Variants in LRP2BP observed in about 807,000 individuals in gnomAD.
The protein encoded by LRP2BP is LRP2 binding protein, also known as LRP2-binding protein.
In LRP2BP, 38 loss-of-function variants were observed where a neutral mutation model predicts 45.2. That is an observed-to-expected ratio of 0.84 (90% CI 0.65 to 1.10). LRP2BP has a LOEUF of 1.10. Among genes scored for constraint, LRP2BP ranks in the 50% least tolerant of loss-of-function variants. LRP2BP has a pLI of 0.00. For synonymous variants in LRP2BP, 153 were observed against 153.9 expected (o/e 0.99, Z 0.04); for missense variants, 385 against 418.9 (o/e 0.92, Z 0.71).
At chr4:185,370,530 CT>C in intron 8 of LRP2BP, 109 bp downstream of exon 8, 1 of 1,104,732 alleles carries the variant, frequency 9.1e-7, no homozygotes, top group Non-Finnish European at 1.3e-6. Context: ...CAGAGGTTAT[CT>C]GCACAGTAAT....
At chr4:185,373,180 A>G in intron 6 of LRP2BP, 101 bp from the exon 7 acceptor site, 2 of 1,061,802 alleles carry the variant, frequency 1.9e-6, no homozygotes. Flanking sequence ...AGATAGCACT[A>G]TTAATCATCT....
intron 1 of LRP2BP, chr4:185,390,569 T>C (rs966298121): frequency 3.3e-5 from 5 of 151,644 alleles, no homozygotes; most frequent in Non-Finnish European, 5.9e-5. Flanking sequence ...TTACATTTTA[T>C]AATAATCCTT....
chr4:185,391,240 C>T (rs929505938), intron 1 of LRP2BP, among the ~76,000 whole-genome samples: 3 of 152,220 alleles, frequency 2.0e-5, no homozygotes, highest in African/African-American at 7.2e-5. Context: ...CTTCTCATCA[C>T]ATCGTGTCAA....
At position 185,375,702 on chromosome 4, in the gene LRP2BP, G is replaced by A; in HGVS notation, c.241C>T (p.Gln81Ter). 6.2e-7 allele frequency: 1 copy of A among 1,609,574 alleles called. No homozygotes were observed. The highest frequency in any genetic ancestry group is 8.5e-7 in the Non-Finnish European group (1 of 1,177,614). ...EEGWYEEALE[Q>*]FEEIKEKDHQ... is the part of the protein sequence containing the mutation. ...TCTTTCTCCTTGATTTCTTCAAACT[G>A]TTCTAATGCTTCTTCATACCATCCC... The change falls in exon 4 of 9, where the codon CAG becomes TAG. Residue 81 changes from glutamine to a stop codon, truncating the protein, a stop_gained. Coordinates refer to ENST00000505916, the MANE Select transcript of LRP2BP (RefSeq NM_001377440.1). LOFTEE classifies it high-confidence loss of function.
At position 185,366,936 on chromosome 4, in the gene LRP2BP, C is replaced by T. The variant is rs1027070537; in HGVS notation, c.*244G>A. 1 of 388,012 alleles carries T rather than the reference C, an allele frequency of 2.6e-6. No homozygotes were observed. The highest frequency in any genetic ancestry group is 2.1e-5 in the African/African-American group (1 of 48,696). 24.0% of individuals were successfully genotyped at this position (388,012 alleles called of 1,614,324 possible). On this transcript the variant is annotated 3_prime_UTR_variant, in exon 9 of 9. Coordinates refer to ENST00000505916, the MANE Select transcript of LRP2BP (RefSeq NM_001377440.1). ...GAATGGTTTTAATACTTGATATGGTCTCGGCCAGTCTGTAGGGTAAGAGGT... is the reference window on the plus strand; with the variant it reads ...GAATGGTTTTAATACTTGATATGGTTTCGGCCAGTCTGTAGGGTAAGAGGT...
intron 1 of LRP2BP, among the ~76,000 whole-genome samples, chr4:185,380,513 G>A (rs2095452841): frequency 6.6e-6 from 1 of 152,086 alleles, no homozygotes; most frequent in Admixed American, 6.5e-5. Flanking sequence ...CTGCCTCTGT[G>A]TTTACATGGC....
At chr4:185,391,924 T>C (rs576944618) in intron 1 of LRP2BP, among the ~76,000 whole-genome samples, 2 of 152,346 alleles carry the variant, frequency 1.3e-5, no homozygotes, top group South Asian at 4.1e-4. Flanking sequence ...CACACACCTA[T>C]AATTATTTCT....
intron 3 of LRP2BP, 59 bp downstream of exon 3, chr4:185,376,850 G>T: frequency 8.2e-7 from 1 of 1,216,086 alleles, no homozygotes; most frequent in Non-Finnish European, 1.2e-6. Flanking sequence ...TGAAATTTTT[G>T]TCTGAGGATC....
intron 3 of LRP2BP, 42 bp from the exon 4 acceptor site, chr4:185,375,768 C>T: frequency 7.3e-7 from 1 of 1,366,382 alleles, no homozygotes; most frequent in Non-Finnish European, 1.0e-6. Flanking sequence ...TTATTATGAT[C>T]TTAAAGTAAT....
At chr4:185,378,818 G>A in intron 1 of LRP2BP, 1 of 985,458 alleles carries the variant, frequency 1.0e-6, no homozygotes, top group Non-Finnish European at 1.2e-6. Flanking sequence ...AGGGTAGTGA[G>A]ACAGCAAACT....
At chr4:185,383,341 G>A (rs907549053) in intron 1 of LRP2BP, among the ~76,000 whole-genome samples, 1 of 152,144 alleles carries the variant, frequency 6.6e-6, no homozygotes, top group African/African-American at 2.4e-5. Context: ...TTAGCCAGGT[G>A]TGGTGGTGCA....
intron 7 of LRP2BP, chr4:185,371,031 T>C (rs1008235318): frequency 8.4e-6 from 4 of 477,406 alleles, no homozygotes; most frequent in African/African-American, 1.9e-5. Flanking sequence ...TCTGTAATTA[T>C]GCTCAGCAGG....
chr4:185,375,908 C>CA (rs1346100646), intron 3 of LRP2BP, among the ~76,000 whole-genome samples, 182 bp from the exon 4 acceptor site: 3 of 152,108 alleles, frequency 2.0e-5, no homozygotes, highest in African/African-American at 7.2e-5. Flanking sequence ...CTGCCATCCT[C>CA]AGAGTAACAG....
intron 1 of LRP2BP, among the ~76,000 whole-genome samples, chr4:185,381,801 C>T (rs957072408): frequency 6.6e-6 from 1 of 152,160 alleles, no homozygotes; most frequent in Non-Finnish European, 1.5e-5. Flanking sequence ...ATGGCTCATC[C>T]TGCATCTTTA....
At chr4:185,377,177 C>T (rs1001661637) in intron 2 of LRP2BP, 159 bp from the exon 3 acceptor site, 9 of 620,492 alleles carry the variant, frequency 1.5e-5, no homozygotes, top group Non-Finnish European at 2.6e-5. Flanking sequence ...GAAATATTAC[C>T]TGAAAAAACG....
intron 2 of LRP2BP, 177 bp from the exon 3 acceptor site, chr4:185,377,195 C>A: frequency 3.3e-6 from 2 of 602,644 alleles, no homozygotes; most frequent in Non-Finnish European, 3.0e-6. Flanking sequence ...ACGTCATGGT[C>A]ACAGGCCCTA....
At chr4:185,393,369 C>T (rs2095493400) in intron 1 of LRP2BP, among the ~76,000 whole-genome samples, 2 of 152,208 alleles carry the variant, frequency 1.3e-5, no homozygotes, top group Non-Finnish European at 2.9e-5. Flanking sequence ...AATACTGTGC[C>T]TTTTGGTAAT....
chr4:185,367,697 G>C (rs2095394657), intron 8 of LRP2BP, among the ~76,000 whole-genome samples: 1 of 152,068 alleles, frequency 6.6e-6, no homozygotes, highest in Non-Finnish European at 1.5e-5. Flanking sequence ...AACAATTTGG[G>C]ATATAGAGCT....
chr4:185,393,105 G>A (rs771846842), intron 1 of LRP2BP, among the ~76,000 whole-genome samples: 1 of 152,060 alleles, frequency 6.6e-6, no homozygotes, highest in Non-Finnish European at 1.5e-5. Flanking sequence ...GCTAATTTTT[G>A]TATTTTTAGT....
Sources: gnomAD v4.1 joint callset for allele counts (sites outside exome capture counted in the v4.1 genomes callset) on GRCh38, gnomAD v4.1.1 for gene constraint, MANE v1.5 for transcripts, NCBI Gene and HGNC (gene_info 2026-07-23, HGNC 2026-07-21) for gene names.